Variants in SGCZ observed in about 807,000 individuals in gnomAD.
SGCZ encodes sarcoglycan zeta, also known as zeta-sarcoglycan.
In SGCZ, 40 loss-of-function variants were observed where a neutral mutation model predicts 41.3. The ratio of observed to expected loss-of-function variants is 0.97; its 90% CI spans 0.75 to 1.26. The LOEUF (loss-of-function observed/expected upper bound fraction) is 1.26. Ranked by LOEUF, SGCZ falls within the 50% of genes most tolerant of loss-of-function variation. The pLI is 0.00. For synonymous variants in SGCZ, 206 were observed against 137.5 expected, an observed-to-expected ratio of 1.50 and a Z score of -3.49; for missense variants, 552 against 369.8, an observed-to-expected ratio of 1.49 and a Z score of -4.04.
intron 2 of SGCZ, among the ~76,000 whole-genome samples, chr8:14,332,910 C>T (rs1802387936): frequency 7.0e-6 from 1 of 143,542 alleles, no homozygotes; most frequent in Admixed American, 7.1e-5. Context: ...TATATCTATA[C>T]ACACATATAT....
intron 1 of SGCZ, among the ~76,000 whole-genome samples, chr8:14,999,503 A>G (rs1802333668): frequency 6.6e-6 from 1 of 152,208 alleles, no homozygotes. Flanking sequence ...TAACCAAAAG[A>G]CAATGGCACA....
intron 1 of SGCZ, among the ~76,000 whole-genome samples, chr8:15,136,959 CA>C (rs1234095855): frequency 6.6e-6 from 1 of 152,080 alleles, no homozygotes; most frequent in African/African-American, 2.4e-5. Flanking sequence ...CAGAACAAGA[CA>C]GGAAAATGTG....
At chr8:14,383,625 C>G (rs2117197684) in intron 2 of SGCZ, among the ~76,000 whole-genome samples, 1 of 152,284 alleles carries the variant, frequency 6.6e-6, no homozygotes, top group South Asian at 2.1e-4. Context: ...CACACTAACG[C>G]ATTTCCACTA....
At chr8:14,909,013 C>A (rs193278512) in intron 1 of SGCZ, among the ~76,000 whole-genome samples, 2 of 152,236 alleles carry the variant, frequency 1.3e-5, no homozygotes, top group East Asian at 3.9e-4. Context: ...CAATGCTTGA[C>A]ATAAAATCGG....
intron 2 of SGCZ, among the ~76,000 whole-genome samples, chr8:14,427,563 G>C (rs947819613): frequency 9.2e-5 from 14 of 152,022 alleles, no homozygotes; most frequent in African/African-American, 3.4e-4. Context: ...TAGAATCTTT[G>C]TGTGGTAACT....
At chr8:14,347,906 A>G (rs1448728057) in intron 2 of SGCZ, among the ~76,000 whole-genome samples, 1 of 152,146 alleles carries the variant, frequency 6.6e-6, no homozygotes, top group African/African-American at 2.4e-5. Context: ...TGGATTTTAA[A>G]ACTTTATTTT....
intron 3 of SGCZ, among the ~76,000 whole-genome samples, chr8:14,304,009 C>T (rs1801274968): frequency 6.6e-6 from 1 of 152,052 alleles, no homozygotes; most frequent in East Asian, 2.0e-4. Flanking sequence ...GCCTCGGCCT[C>T]CCAAAGTGCT....
In SGCZ at chr8:14,878,733, A is replaced by C. The variant is rs566799948; in HGVS notation, c.40-323807T>G. 2.6e-5 allele frequency among the ~76,000 whole-genome samples: 4 copies of C among 152,304 alleles called. No homozygotes were observed. In the South Asian group the frequency reaches 8.3e-4, roughly 32 times the overall value. On this transcript the variant is annotated intron_variant, in intron 1 of 7. Transcript: ENST00000382080. Reference sequence around the variant, plus strand: ...TGTGGTGTCTAAGAGGCAAGCACTAAATAAAGAATGGCAGAGGCAATGAAA... The same window carrying C: ...TGTGGTGTCTAAGAGGCAAGCACTACATAAAGAATGGCAGAGGCAATGAAA...
chr8:14,400,049 G>C (rs1799028559), intron 2 of SGCZ, among the ~76,000 whole-genome samples: 2 of 151,786 alleles, frequency 1.3e-5, no homozygotes, highest in African/African-American at 4.8e-5. Context: ...CTAGGCAATT[G>C]CTAATCTACT....
chr8:14,126,083 G>C (rs1405840158), intron 5 of SGCZ, among the ~76,000 whole-genome samples: 2 of 152,060 alleles, frequency 1.3e-5, no homozygotes, highest in Non-Finnish European at 2.9e-5. Flanking sequence ...AGATTTTATG[G>C]TGACATAGCC....
At chr8:14,363,165 C>A (rs2117138864) in intron 2 of SGCZ, among the ~76,000 whole-genome samples, 1 of 152,180 alleles carries the variant, frequency 6.6e-6, no homozygotes, top group African/African-American at 2.4e-5. Flanking sequence ...TAAAGACATT[C>A]TGAAAAAAGC....
Position 14,959,989 on chromosome 8 carries a change from C to T in SGCZ, c.39+277596G>A, listed in dbSNP as rs528247076. Among the ~76,000 whole-genome samples, 11 of 152,260 alleles carry T rather than the reference C, an allele frequency of 7.2e-5. No homozygotes were observed. The East Asian group carries it at 2.1e-3, about 29-fold the overall frequency. ...GCCAAAAGTCTTCTATTTCAGAGCT[C>T]GTGCTGCCATTTCAATACTCTAGTT... On this transcript the variant is annotated intron_variant, in intron 1 of 7. Coordinates refer to ENST00000382080, the MANE Select transcript of SGCZ (RefSeq NM_139167.4).
At chr8:14,748,258 T>C (rs1433651895) in intron 1 of SGCZ, among the ~76,000 whole-genome samples, 2 of 152,144 alleles carry the variant, frequency 1.3e-5, no homozygotes. Flanking sequence ...AGTTGAAGAA[T>C]TTGAATTTAC....
chr8:14,419,530 TCTATAACTAGTCAGCAGA>T (rs1799584092), intron 2 of SGCZ, among the ~76,000 whole-genome samples: 1 of 151,920 alleles, frequency 6.6e-6, no homozygotes, highest in Admixed American at 6.6e-5. Flanking sequence ...TCATCACCTT[TCTATAACTAGTCAGCAGA>T]CAAAAACAAT....
chr8:15,230,977 A>G (rs537596998), intron 1 of SGCZ, among the ~76,000 whole-genome samples: 1 of 152,312 alleles, frequency 6.6e-6, no homozygotes, highest in African/African-American at 2.4e-5. Context: ...CCAGGGTTTG[A>G]ACAATGTCTC....
At chr8:14,493,111 C>T (rs1801888679) in intron 2 of SGCZ, among the ~76,000 whole-genome samples, 1 of 151,986 alleles carries the variant, frequency 6.6e-6, no homozygotes, top group Non-Finnish European at 1.5e-5. Flanking sequence ...ATACAATTTG[C>T]ATTGTAAATT....
Position 14,324,052 on chromosome 8 carries a change from A to C in SGCZ, c.336+51T>G, listed in dbSNP as rs779425932. 3 of 1,326,560 alleles carry C rather than the reference A, an allele frequency of 2.3e-6. No homozygotes were observed. The East Asian group carries it at 7.0e-5, about 31-fold the overall frequency. 82.2% of individuals were successfully genotyped at this position (1,326,560 alleles called of 1,614,324 possible). A position where few individuals can be genotyped will look rare whatever the true frequency, so the allele number is the denominator to read the frequency against. ...TTCTACCCTGCTATTTCAAGCTAAA[A>C]CATAACCTCTAAATTATCTTTTAGA... On this transcript the variant is annotated intron_variant, in intron 3 of 7. Coordinates refer to ENST00000382080, the MANE Select transcript of SGCZ (RefSeq NM_139167.4).
intron 4 of SGCZ, among the ~76,000 whole-genome samples, chr8:14,182,820 G>A (rs1804773230): frequency 6.6e-6 from 1 of 151,924 alleles, no homozygotes; most frequent in South Asian, 2.1e-4. Context: ...GACCAGCCTG[G>A]TCAACATTGT....
chr8:14,893,088 C>T (rs1585355485), intron 1 of SGCZ, among the ~76,000 whole-genome samples: 1 of 152,242 alleles, frequency 6.6e-6, no homozygotes, highest in South Asian at 2.1e-4. Context: ...AAGTGAGGGT[C>T]CATGAGACTG....
Sources: allele counts gnomAD v4.1 joint callset (sites outside exome capture counted in the v4.1 genomes callset), GRCh38; gene constraint gnomAD v4.1.1; transcripts MANE v1.5; gene names NCBI Gene and HGNC (gene_info 2026-07-23, HGNC 2026-07-21).